The following MTREX variants were observed in gnomAD, a reference collection of about 807,000 sequenced individuals.
MTREX encodes Mtr4 exosome RNA helicase.
In MTREX, 76 loss-of-function variants were observed where a neutral mutation model predicts 135.4. The ratio of observed to expected loss-of-function variants is 0.56; its 90% CI spans 0.47 to 0.68. The LOEUF is 0.68. Ranked by LOEUF, MTREX falls within the 30% of genes least tolerant of loss-of-function variation. The probability of loss-of-function intolerance (pLI) is 0.00; values close to 1 mark genes in which losing one functional copy is unlikely to be tolerated. For missense variants in MTREX, 920 were observed against 1,262.1 expected (o/e 0.73, Z 4.11); for synonymous variants, 404 against 401.6 (o/e 1.01, Z -0.07).
At chr5:55,344,450 T>G in intron 8 of MTREX, 72 bp from the exon 9 acceptor site, 3 of 949,310 alleles carry the variant, frequency 3.2e-6, no homozygotes. Context: ...TTAAGATCTT[T>G]TAGGTTGGAC....
At chr5:55,399,498 A>T (rs1750690499) in intron 20 of MTREX, among the ~76,000 whole-genome samples, 1 of 151,200 alleles carries the variant, frequency 6.6e-6, no homozygotes, top group Admixed American at 6.6e-5. Flanking sequence ...TTATTTTTTT[A>T]TTTTTTTGAG....
rs151164981 is a variant in MTREX at position 55,337,947 on chromosome 5, C to T, written c.516-2063C>T. Among the ~76,000 whole-genome samples the T allele has an allele frequency of 3.9e-4, 60 of 152,128 alleles. No homozygotes were observed. In the East Asian group the frequency reaches 0.011, roughly 28 times the overall value. On this transcript the variant is annotated intron_variant, in intron 5 of 26. Coordinates refer to ENST00000230640, the MANE Select transcript of MTREX (RefSeq NM_015360.5). ...TTACAGTATGCATGTTTAACTAAAT[C>T]ACAGTCACAATTTATGGAAAATATT...
chr5:55,355,726 T>C (rs1294758572), intron 14 of MTREX, among the ~76,000 whole-genome samples: 1 of 152,044 alleles, frequency 6.6e-6, no homozygotes, highest in Non-Finnish European at 1.5e-5. Flanking sequence ...GGCTGGGAGG[T>C]AGGGGACTGT....
chr5:55,375,904 G>C (rs970733584), intron 16 of MTREX, among the ~76,000 whole-genome samples: 1 of 152,114 alleles, frequency 6.6e-6, no homozygotes, highest in Non-Finnish European at 1.5e-5. Flanking sequence ...CTGTCTTCCC[G>C]CAACATCTCT....
At chr5:55,416,693 T>C (rs961921029) in intron 25 of MTREX, among the ~76,000 whole-genome samples, 1 of 152,056 alleles carries the variant, frequency 6.6e-6, no homozygotes, top group Non-Finnish European at 1.5e-5. Context: ...AGCAAAAAAA[T>C]AAGTAGACTG....
intron 19 of MTREX, among the ~76,000 whole-genome samples, chr5:55,389,649 A>T (rs1477058533): frequency 6.6e-6 from 1 of 152,196 alleles, no homozygotes; most frequent in African/African-American, 2.4e-5. Context: ...AACTTGTAGG[A>T]ACATGAGTAC....
At chr5:55,365,714 G>GC (rs1177232293) in intron 15 of MTREX, among the ~76,000 whole-genome samples, 1 of 152,064 alleles carries the variant, frequency 6.6e-6, no homozygotes, top group African/African-American at 2.4e-5. Context: ...ACTTCTGAAG[G>GC]CCCGGGCGCG....
intron 14 of MTREX, among the ~76,000 whole-genome samples, chr5:55,358,120 A>G (rs752953289): frequency 6.6e-6 from 1 of 152,152 alleles, no homozygotes; most frequent in Non-Finnish European, 1.5e-5. Flanking sequence ...GCAGATCACA[A>G]GGTCGGGAGA....
intron 23 of MTREX, among the ~76,000 whole-genome samples, chr5:55,411,075 C>T (rs1579901118): frequency 6.6e-6 from 1 of 152,062 alleles, no homozygotes; most frequent in African/African-American, 2.4e-5. Flanking sequence ...TTCATGGGCA[C>T]GGTTTGAGGT....
intron 6 of MTREX, among the ~76,000 whole-genome samples, chr5:55,340,395 C>T (rs1749625047): frequency 6.6e-6 from 1 of 152,092 alleles, no homozygotes; most frequent in African/African-American, 2.4e-5. Context: ...TTATTTGTCT[C>T]AGATACATTT....
intron 5 of MTREX, among the ~76,000 whole-genome samples, chr5:55,337,003 G>C (rs771580399): frequency 4.6e-5 from 7 of 152,160 alleles, no homozygotes; most frequent in African/African-American, 7.2e-5. Context: ...TTAAATGTTT[G>C]ATAGAATTTA....
chr5:55,422,191 T>C (rs1579907631), intron 25 of MTREX, among the ~76,000 whole-genome samples: 1 of 152,268 alleles, frequency 6.6e-6, no homozygotes, highest in East Asian at 1.9e-4. Context: ...CTGCTCCTCT[T>C]TGCACAAGTC....
chr5:55,422,803 C>A, intron 25 of MTREX, 75 bp from the exon 26 acceptor site: 1 of 1,113,888 alleles, frequency 9.0e-7, no homozygotes, highest in Non-Finnish European at 1.3e-6. Context: ...TGTTCTCCTG[C>A]CTTGCCTCTT....
At position 55,397,467 on chromosome 5, in the gene MTREX, T is replaced by C; in HGVS notation, c.2233T>C (p.Tyr745His). The C allele has an allele frequency of 2.5e-6, 4 of 1,611,010 alleles. No individual in the cohort carries two copies. The highest frequency in any genetic ancestry group is 3.4e-6 in the Non-Finnish European group (4 of 1,177,830). ...LLSAISSVRLYIPKDLRPVDN... is the reference protein window; with the variant it reads ...LLSAISSVRLHIPKDLRPVDN... Reference sequence around the variant, plus strand: ...GTCTGCTATCAGCAGTGTTAGGCTTTACATTCCTAAAGACCTTCGGCCGGT... The same window carrying C: ...GTCTGCTATCAGCAGTGTTAGGCTTCACATTCCTAAAGACCTTCGGCCGGT... Residue 745 changes from tyrosine (Y) to histidine (H), a missense_variant, in exon 20 of 27, where the codon TAC becomes CAC. Tyr to His is a moderately conservative substitution (Grantham distance 83). Around this residue, in one of 6 missense-constraint regions of MTREX, gnomAD observed 467 missense variants for 589.7 expected, o/e 0.79. Coordinates refer to ENST00000230640, the MANE Select transcript of MTREX (RefSeq NM_015360.5).
chr5:55,358,721 C>G (rs1749961380), intron 15 of MTREX, 23 bp downstream of exon 15: 1 of 1,557,734 alleles, frequency 6.4e-7, no homozygotes, highest in South Asian at 1.2e-5. Flanking sequence ...AGATTGTGTA[C>G]CTTTACCAAG....
chr5:55,394,315 A>G (rs555042750), intron 19 of MTREX, among the ~76,000 whole-genome samples: 1 of 152,376 alleles, frequency 6.6e-6, no homozygotes, highest in East Asian at 1.9e-4. Flanking sequence ...CAAACAGTGC[A>G]TCAACTGCTG....
chr5:55,425,422 T>C lies in MTREX; in HGVS notation c.*650T>C. ...GATCAACAGCATCCTAAGATAAATA[T>C]AAACAAAAGGATATACTTTGAGGTG... On this transcript the variant is annotated 3_prime_UTR_variant, in exon 27 of 27. Transcript: ENST00000230640. 1 of 1,237,044 alleles carries C rather than the reference T, an allele frequency of 8.1e-7. No homozygotes were observed. Among genetic ancestry groups the C allele is most frequent in the Non-Finnish European group, 1.1e-6 (1 of 887,910 alleles). The allele number at this position is 1,237,044 out of a possible 1,614,324, so 76.6% of individuals were successfully genotyped here.
At chr5:55,348,358 C>G (rs2112066794) in intron 11 of MTREX, among the ~76,000 whole-genome samples, 1 of 152,270 alleles carries the variant, frequency 6.6e-6, no homozygotes, top group African/African-American at 2.4e-5. Context: ...AAAGGCCCTA[C>G]CTCTCAACAC....
intron 5 of MTREX, 129 bp downstream of exon 5, chr5:55,328,940 C>G (rs954509933): frequency 1.9e-6 from 1 of 537,728 alleles, no homozygotes; most frequent in Non-Finnish European, 3.3e-6. Flanking sequence ...TTTTTCATGT[C>G]TTATTGAACC....
Sources: allele counts gnomAD v4.1 joint callset (sites outside exome capture counted in the v4.1 genomes callset), GRCh38; gene constraint gnomAD v4.1.1; regional missense constraint gnomAD v4.1.1; transcripts MANE v1.5; gene names NCBI Gene and HGNC (gene_info 2026-07-23, HGNC 2026-07-21).